The following FILIP1L variants were observed in gnomAD, a reference collection of about 807,000 sequenced individuals.
FILIP1L encodes the protein filamin A interacting protein 1 like.
In FILIP1L, 55 loss-of-function variants were observed where a neutral mutation model predicts 96.6. That is an observed-to-expected ratio of 0.57 (90% CI 0.46 to 0.71). The LOEUF is 0.71. Among genes scored for constraint, FILIP1L ranks in the 30% least tolerant of loss-of-function variants. The pLI is 0.00. For synonymous variants in FILIP1L, 467 were observed against 473.9 expected, an observed-to-expected ratio of 0.99 and a Z score of 0.19; for missense variants, 1,304 against 1,321.2, an observed-to-expected ratio of 0.99 and a Z score of 0.20.
chr3:99,948,610 G>A (rs1024361804), intron 1 of FILIP1L, among the ~76,000 whole-genome samples: 1 of 147,586 alleles, frequency 6.8e-6, no homozygotes, highest in Non-Finnish European at 1.5e-5. Context: ...GAGGGGAGGG[G>A]AAGGGAGAGA....
chr3:99,967,546 G>A lies in FILIP1L; in HGVS notation c.-10-36516C>T, dbSNP rs535630117. 3.6e-4 allele frequency among the ~76,000 whole-genome samples: 55 copies of A among 152,234 alleles called. No individual in the cohort carries two copies. The Middle Eastern group carries it at 0.014, about 38-fold the overall frequency. On this transcript the variant is annotated intron_variant, in intron 1 of 5. Coordinates refer to ENST00000477258, the MANE Select transcript of FILIP1L (RefSeq NM_001387850.1). ...CTCCTGGCTCCTTGTTTTGTGAATT[G>A]AGGAATATGGTGAGTCCCTACACCT...
chr3:99,848,088 T>C (rs1035253867), intron 5 of FILIP1L: 6 of 1,374,016 alleles, frequency 4.4e-6, no homozygotes, highest in Non-Finnish European at 4.7e-6. Context: ...TGAAAAGATA[T>C]ACAGTAAGTG....
chr3:100,103,865 T>C (rs1010064095), intron 1 of FILIP1L, among the ~76,000 whole-genome samples: 22 of 152,230 alleles, frequency 1.4e-4, no homozygotes, highest in African/African-American at 5.3e-4. Context: ...GGCAGCATTA[T>C]CAATGAACAG....
chr3:99,967,820 C>T (rs987206830), intron 1 of FILIP1L, among the ~76,000 whole-genome samples: 1 of 152,098 alleles, frequency 6.6e-6, no homozygotes, highest in African/African-American at 2.4e-5. Flanking sequence ...CTTTTATATA[C>T]ATGATTTTGA....
At chr3:99,970,793 T>A (rs543369128) in intron 1 of FILIP1L, among the ~76,000 whole-genome samples, 3 of 152,324 alleles carry the variant, frequency 2.0e-5, no homozygotes, top group Admixed American at 1.3e-4. Context: ...TTAAACATTA[T>A]ACTATCTGCT....
At chr3:100,080,172 G>A (rs746067934) in intron 1 of FILIP1L, among the ~76,000 whole-genome samples, 7 of 151,900 alleles carry the variant, frequency 4.6e-5, no homozygotes, top group African/African-American at 7.2e-5. Flanking sequence ...TAATAGAGAC[G>A]GGGATCTCGC....
At chr3:100,071,589 C>A (rs1216765760) in intron 1 of FILIP1L, among the ~76,000 whole-genome samples, 1 of 152,142 alleles carries the variant, frequency 6.6e-6, no homozygotes, top group Non-Finnish European at 1.5e-5. Flanking sequence ...CAGAGCCAAG[C>A]CCCATTTTTG....
At chr3:99,926,930 T>G (rs1173841940) in intron 3 of FILIP1L, among the ~76,000 whole-genome samples, 1 of 152,206 alleles carries the variant, frequency 6.6e-6, no homozygotes, top group African/African-American at 2.4e-5. Context: ...CCTTACCTCC[T>G]TGCAGTCTGT....
At chr3:99,956,056 C>T (rs907502224) in intron 1 of FILIP1L, among the ~76,000 whole-genome samples, 6 of 152,150 alleles carry the variant, frequency 3.9e-5, no homozygotes, top group Non-Finnish European at 7.4e-5. Flanking sequence ...TTGACTGACA[C>T]GTTTTTAAGT....
intron 4 of FILIP1L, among the ~76,000 whole-genome samples, chr3:99,919,985 T>C (rs1707073700): frequency 6.6e-6 from 1 of 152,214 alleles, no homozygotes; most frequent in Non-Finnish European, 1.5e-5. Context: ...GACTCCTTTC[T>C]TTGTGGTGTT....
intron 1 of FILIP1L, among the ~76,000 whole-genome samples, chr3:99,958,709 C>T (rs1345712709): frequency 1.3e-5 from 2 of 152,146 alleles, no homozygotes; most frequent in East Asian, 3.8e-4. Context: ...GAGGCATGAG[C>T]CAGCAGGGCT....
chr3:99,850,776 T>G lies in FILIP1L; in HGVS notation c.900A>C (p.Thr300=). 1 of 1,614,230 alleles carries G rather than the reference T, an allele frequency of 6.2e-7. No individual in the cohort carries two copies. The highest frequency in any genetic ancestry group is 1.3e-5 in the African/African-American group (1 of 75,058). The part of the protein sequence containing the change: ...RLEKELQTQT[T]KFHQDQDTIM... Reference sequence around the variant, plus strand: ...TTGTGTCTTGGTCTTGGTGAAACTTTGTGGTCTGCGTTTGCAGTTCCTTCT... The same window carrying G: ...TTGTGTCTTGGTCTTGGTGAAACTTGGTGGTCTGCGTTTGCAGTTCCTTCT... The change falls in exon 5 of 6, where the codon ACA becomes ACC. Residue 300 remains threonine (T), a synonymous_variant. Transcript: ENST00000477258.
chr3:99,983,434 ATATATATGTATGTATATATATATATGTG>A (rs1709206303), intron 1 of FILIP1L, among the ~76,000 whole-genome samples: 7 of 67,834 alleles, frequency 1.0e-4, no homozygotes, highest in African/African-American at 4.2e-4. Context: ...GTATGTATGT[ATATATATGTATGTATATATATATATGTG>A]TGTATATATA....
At chr3:99,851,951 TTGATGAGAGTC>T (rs1352613635) in intron 4 of FILIP1L, among the ~76,000 whole-genome samples, 1 of 152,210 alleles carries the variant, frequency 6.6e-6, no homozygotes, top group Non-Finnish European at 1.5e-5. Flanking sequence ...AAAGTGCTTA[TTGATGAGAGTC>T]TGATGCTAGA....
intron 1 of FILIP1L, among the ~76,000 whole-genome samples, chr3:99,949,214 C>T (rs1375151928): frequency 2.6e-5 from 4 of 152,170 alleles, no homozygotes; most frequent in Admixed American, 1.3e-4. Context: ...CTTGTAACCT[C>T]CTGGTTCTAA....
rs1452287170 is a variant in FILIP1L at position 99,902,898 on chromosome 3, G to T, written c.605+21332C>A. Among the ~76,000 whole-genome samples the T allele has an allele frequency of 2.0e-5, 3 of 152,248 alleles. No homozygotes were observed. The East Asian group carries it at 5.8e-4, about 29-fold the overall frequency. The stretch of plus-strand genomic sequence containing the variant: ...AAAGAGGAAAAAAATCTATGAAAGT[G>T]ATTTATTTAAAGCAACTAAAATCTA... On this transcript the variant is annotated intron_variant, in intron 4 of 5. Transcript: ENST00000477258.
At chr3:99,906,240 G>A (rs1299002203) in intron 4 of FILIP1L, among the ~76,000 whole-genome samples, 1 of 152,058 alleles carries the variant, frequency 6.6e-6, no homozygotes, top group African/African-American at 2.4e-5. Context: ...TAGGGCTGTA[G>A]TACTCCCTCG....
chr3:100,024,948 T>C (rs2064891392), intron 1 of FILIP1L, among the ~76,000 whole-genome samples: 1 of 152,174 alleles, frequency 6.6e-6, no homozygotes, highest in Non-Finnish European at 1.5e-5. Context: ...GTCTGACTGC[T>C]GCCAAAGGTA....
chr3:100,101,834 TTGTTCAA>T (rs1279894253), intron 1 of FILIP1L, among the ~76,000 whole-genome samples: 1 of 152,130 alleles, frequency 6.6e-6, no homozygotes, highest in African/African-American at 2.4e-5. Flanking sequence ...TGTGTTCTCA[TTGTTCAA>T]TTCCCACCTA....
Sources: gnomAD v4.1 joint callset for allele counts (sites outside exome capture counted in the v4.1 genomes callset) on GRCh38, gnomAD v4.1.1 for gene constraint, MANE v1.5 for transcripts, NCBI Gene and HGNC (gene_info 2026-07-23, HGNC 2026-07-21) for gene names.